TRPM3: variants seen among roughly 807,000 people sequenced by gnomAD.
TRPM3 encodes the protein long transient receptor potential channel 3.
A neutral mutation model predicts 181.2 loss-of-function variants in TRPM3; 77 were observed. The ratio of observed to expected loss-of-function variants is 0.42; its 90% confidence interval spans 0.35 to 0.51. The LOEUF is 0.51. Among genes scored for constraint, TRPM3 ranks in the 20% least tolerant of loss-of-function variants. The pLI is 0.01. For synonymous variants in TRPM3, 745 were observed against 796.4 expected (o/e 0.94, Z 1.09); for missense variants, 1,759 against 2,196.7 (o/e 0.80, Z 3.98).
At chr9:71,321,984 G>A (rs1438993329) in intron 1 of TRPM3, among the ~76,000 whole-genome samples, 1 of 152,050 alleles carries the variant, frequency 6.6e-6, no homozygotes, top group Non-Finnish European at 1.5e-5. Flanking sequence ...ATTAAGAGGT[G>A]CATAAAAGCT....
intron 1 of TRPM3, among the ~76,000 whole-genome samples, chr9:70,954,453 T>C (rs2097043323): frequency 6.6e-6 from 1 of 152,184 alleles, no homozygotes; most frequent in South Asian, 2.1e-4. Flanking sequence ...AATCACATCC[T>C]GTTTCCTTGT....
intron 1 of TRPM3, among the ~76,000 whole-genome samples, chr9:71,093,744 C>A (rs2066638986): frequency 6.6e-6 from 1 of 152,136 alleles, no homozygotes; most frequent in Admixed American, 6.6e-5. Flanking sequence ...TGGGTATATA[C>A]CCAAAGCATT....
At chr9:70,851,819 T>C (rs957516195) in intron 3 of TRPM3, among the ~76,000 whole-genome samples, 1 of 151,746 alleles carries the variant, frequency 6.6e-6, no homozygotes, top group Non-Finnish European at 1.5e-5. Flanking sequence ...ATTACTTTAC[T>C]AAGAAAAAAA....
chr9:70,823,230 CTGCATTAT>C (rs1350387172), intron 6 of TRPM3, among the ~76,000 whole-genome samples: 1 of 152,188 alleles, frequency 6.6e-6, no homozygotes, highest in Non-Finnish European at 1.5e-5. Flanking sequence ...TATCTCTCAC[CTGCATTAT>C]TGCAATAGCC....
At chr9:70,891,035 G>T (rs117430820) in intron 1 of TRPM3, among the ~76,000 whole-genome samples, 3 of 152,038 alleles carry the variant, frequency 2.0e-5, no homozygotes, top group Non-Finnish European at 2.9e-5. Flanking sequence ...GTGGGGAGAG[G>T]GGGGAGGGAT....
chr9:70,768,936 A>G (rs184134852), intron 7 of TRPM3, among the ~76,000 whole-genome samples: 1 of 152,208 alleles, frequency 6.6e-6, no homozygotes, highest in Admixed American at 6.5e-5. Flanking sequence ...GAAAGCACAA[A>G]ATTTGACTTC....
chr9:70,543,820 G>A (rs2044149833), intron 25 of TRPM3, among the ~76,000 whole-genome samples: 1 of 152,202 alleles, frequency 6.6e-6, no homozygotes. Flanking sequence ...AGCCTGGTAG[G>A]TGGGGTGATG....
At chr9:71,187,231 A>G (rs2077731459) in intron 1 of TRPM3, among the ~76,000 whole-genome samples, 1 of 151,988 alleles carries the variant, frequency 6.6e-6, no homozygotes. Flanking sequence ...TAATTGGTTA[A>G]TCTACATTCA....
intron 20 of TRPM3, among the ~76,000 whole-genome samples, chr9:70,602,208 C>A (rs975294881): frequency 1.4e-5 from 2 of 147,410 alleles, no homozygotes; most frequent in African/African-American, 5.0e-5. Flanking sequence ...GTTAAAATAT[C>A]ACCCAAATAG....
chr9:70,749,412 A>G (rs1024795643), intron 8 of TRPM3, among the ~76,000 whole-genome samples: 1 of 152,194 alleles, frequency 6.6e-6, no homozygotes, highest in Non-Finnish European at 1.5e-5. Context: ...AAGTAATTTT[A>G]CCACTTAAAT....
intron 1 of TRPM3, among the ~76,000 whole-genome samples, chr9:71,108,486 C>A (rs938650253): frequency 6.6e-6 from 1 of 152,054 alleles, no homozygotes; most frequent in Admixed American, 6.6e-5. Flanking sequence ...CTGACCAGAG[C>A]TAAATAAACA....
At chr9:71,446,927 C>T (rs1180503465), upstream of TRPM3, 2 of 1,306,136 alleles carry the variant, frequency 1.5e-6, no homozygotes, top group African/African-American at 1.6e-5. Context: ...CTGCGCGCGG[C>T]TCTCGGTTGG....
At chr9:70,955,938 T>C (rs976833473) in intron 1 of TRPM3, among the ~76,000 whole-genome samples, 1 of 152,178 alleles carries the variant, frequency 6.6e-6, no homozygotes, top group Non-Finnish European at 1.5e-5. Flanking sequence ...AGTATAATAA[T>C]GAGAGTGACA....
At chr9:71,063,892 T>C (rs148454146) in intron 1 of TRPM3, among the ~76,000 whole-genome samples, 1 of 151,982 alleles carries the variant, frequency 6.6e-6, no homozygotes, top group Non-Finnish European at 1.5e-5. Context: ...CTGAAAGTCA[T>C]TGAATAGAGA....
chr9:71,105,754 G>A (rs2134125062), intron 1 of TRPM3, among the ~76,000 whole-genome samples: 1 of 152,290 alleles, frequency 6.6e-6, no homozygotes, highest in East Asian at 1.9e-4. Context: ...AGCCAGAAAA[G>A]TCTTTTAAAG....
chr9:71,434,416 C>A (rs2094002380), intron 1 of TRPM3, among the ~76,000 whole-genome samples: 1 of 152,074 alleles, frequency 6.6e-6, no homozygotes. Flanking sequence ...ATCAAATCTG[C>A]CAGAACCTTG....
At chr9:71,107,177 C>T (rs888940312) in intron 1 of TRPM3, among the ~76,000 whole-genome samples, 3 of 152,168 alleles carry the variant, frequency 2.0e-5, no homozygotes, top group Non-Finnish European at 2.9e-5. Context: ...GTCCCTCACG[C>T]CACTCTCTTC....
intron 1 of TRPM3, among the ~76,000 whole-genome samples, chr9:70,873,943 C>T (rs2095832132): frequency 6.6e-6 from 1 of 151,860 alleles, no homozygotes; most frequent in Non-Finnish European, 1.5e-5. Context: ...ATAATTCACC[C>T]TAGGGGAATA....
At chr9:71,013,766 C>G (rs1174356304) in intron 1 of TRPM3, among the ~76,000 whole-genome samples, 1 of 151,912 alleles carries the variant, frequency 6.6e-6, no homozygotes, top group Admixed American at 6.6e-5. Flanking sequence ...TGGTGTTTAT[C>G]CATTGCCATC....
Sources: gnomAD v4.1 joint callset for allele counts (sites outside exome capture counted in the v4.1 genomes callset) on GRCh38, gnomAD v4.1.1 for gene constraint, MANE v1.5 for transcripts, NCBI Gene and HGNC (gene_info 2026-07-23, HGNC 2026-07-21) for gene names.